Variants in RMDN2 observed in about 807,000 individuals in gnomAD.
RMDN2 encodes the protein regulator of microtubule dynamics 2, also known as regulator of microtubule dynamics protein 2.
RMDN2 carries 61 observed loss-of-function variants against 52.8 expected under a neutral mutation model. That is an observed-to-expected ratio of 1.16 (90% CI 0.94 to 1.43). RMDN2 has a LOEUF of 1.43. RMDN2 is among the 40% of genes most tolerant of loss of function. The probability of loss-of-function intolerance (pLI) is 0.00; values close to 1 mark genes in which losing one functional copy is unlikely to be tolerated. For missense variants in RMDN2, 592 were observed against 475.3 expected, an observed-to-expected ratio of 1.25 and a Z score of -2.28; for synonymous variants, 180 against 153.1, an observed-to-expected ratio of 1.18 and a Z score of -1.30.
chr2:37,980,594 A>G (rs991511566), intron 4 of RMDN2, among the ~76,000 whole-genome samples: 1 of 152,158 alleles, frequency 6.6e-6, no homozygotes, highest in Non-Finnish European at 1.5e-5. Flanking sequence ...GTGAGCCACC[A>G]GGTCCAGCCC....
At chr2:38,063,889 T>G (rs1189434980) in intron 10 of RMDN2, among the ~76,000 whole-genome samples, 1 of 152,206 alleles carries the variant, frequency 6.6e-6, no homozygotes, top group African/African-American at 2.4e-5. Context: ...TATGATAGGT[T>G]TGTAGTAGTA....
At chr2:37,920,905 T>C (rs1012448888), upstream of RMDN2, among the ~76,000 whole-genome samples, 2 of 152,242 alleles carry the variant, frequency 1.3e-5, no homozygotes, top group African/African-American at 2.4e-5. Context: ...AGAAACGTCA[T>C]TCTTTTCTTG....
intron 10 of RMDN2, among the ~76,000 whole-genome samples, chr2:38,013,012 A>G (rs1368276551): frequency 6.6e-6 from 1 of 152,246 alleles, no homozygotes; most frequent in Non-Finnish European, 1.5e-5. Context: ...TTTGGTCTCT[A>G]GAGCCCAGAT....
chr2:37,974,257 A>T (rs1473572022), intron 3 of RMDN2, 43 bp downstream of exon 3: 1 of 1,260,832 alleles, frequency 7.9e-7, no homozygotes, highest in East Asian at 2.7e-5. Context: ...TCCATTTTTT[A>T]ATTTAATCTG....
At chr2:37,922,278 G>A (rs1035654853), upstream of RMDN2, among the ~76,000 whole-genome samples, 2 of 152,102 alleles carry the variant, frequency 1.3e-5, no homozygotes, top group African/African-American at 4.8e-5. Context: ...AATTCAGCTT[G>A]TAAGTTTGAT....
At chr2:38,052,752 G>A (rs2125301510) in intron 10 of RMDN2, among the ~76,000 whole-genome samples, 1 of 151,994 alleles carries the variant, frequency 6.6e-6, no homozygotes, top group African/African-American at 2.4e-5. Flanking sequence ...TTTTTTTCTG[G>A]GGCCATTATC....
intron 10 of RMDN2, among the ~76,000 whole-genome samples, chr2:38,005,181 C>A (rs1458301328): frequency 6.6e-6 from 1 of 152,204 alleles, no homozygotes; most frequent in Non-Finnish European, 1.5e-5. Flanking sequence ...GTCTTTAAAG[C>A]AGCATGATTT....
chr2:37,969,089 T>A (rs1671461952), intron 2 of RMDN2, among the ~76,000 whole-genome samples: 1 of 152,064 alleles, frequency 6.6e-6, no homozygotes, highest in African/African-American at 2.4e-5. Context: ...TGTTCTCTTT[T>A]GTTGCCCAGT....
rs576516460 is a variant in RMDN2, at chr2:37,962,549, C to T, written c.453-11491C>T. On this transcript the variant is annotated intron_variant, in intron 2 of 10. Coordinates refer to ENST00000354545, the MANE Select transcript of RMDN2 (RefSeq NM_001170791.3). ...TGGTGGACGCCCCTCCCCCACCAAG[C>T]TCAAATGTCCCAGGTAGACTTCAGA... Among the ~76,000 whole-genome samples the T allele has an allele frequency of 7.9e-5, 12 of 152,306 alleles. No homozygotes were observed. The South Asian group carries it at 2.5e-3, about 32-fold the overall frequency.
intron 2 of RMDN2, among the ~76,000 whole-genome samples, chr2:37,944,595 C>G (rs944059513): frequency 6.6e-6 from 1 of 152,084 alleles, no homozygotes; most frequent in African/African-American, 2.4e-5. Flanking sequence ...CTGTGTTTAC[C>G]GGATTTGAGA....
intron 10 of RMDN2, among the ~76,000 whole-genome samples, chr2:38,039,798 G>GGACCCT (rs1680841250): frequency 2.0e-5 from 3 of 152,266 alleles, no homozygotes; most frequent in East Asian, 3.9e-4. Context: ...ATCTGACCCA[G>GGACCCT]GATGTCAAGA....
chr2:38,026,822 A>T (rs1195099076), intron 10 of RMDN2, among the ~76,000 whole-genome samples: 1 of 152,206 alleles, frequency 6.6e-6, no homozygotes, highest in African/African-American at 2.4e-5. Flanking sequence ...AGTATCCTAC[A>T]AATTTTAATA....
At chr2:38,031,937 CA>C in intron 10 of RMDN2, among the ~76,000 whole-genome samples, 1 of 152,228 alleles carries the variant, frequency 6.6e-6, no homozygotes, top group East Asian at 1.9e-4. Context: ...GAGAATCATA[CA>C]ACAAAGCAGA....
intron 8 of RMDN2, among the ~76,000 whole-genome samples, chr2:38,001,655 A>C (rs572441290): frequency 6.6e-6 from 1 of 152,232 alleles, no homozygotes; most frequent in African/African-American, 2.4e-5. Context: ...GTTATCCCCA[A>C]TATGGGATTC....
chr2:37,980,007 T>C (rs1488441562), intron 4 of RMDN2, among the ~76,000 whole-genome samples: 5 of 152,218 alleles, frequency 3.3e-5, no homozygotes, highest in Admixed American at 1.3e-4. Context: ...CTACACAGAA[T>C]ATTTATCTTA....
At chr2:37,926,590 T>C (rs1205631814) in intron 1 of RMDN2, among the ~76,000 whole-genome samples, 3 of 141,928 alleles carry the variant, frequency 2.1e-5, no homozygotes, top group African/African-American at 7.8e-5. Flanking sequence ...GTAAAGTTTT[T>C]AATTACTATA....
At chr2:37,941,976 G>T (rs909032592) in intron 2 of RMDN2, among the ~76,000 whole-genome samples, 1 of 152,006 alleles carries the variant, frequency 6.6e-6, no homozygotes, top group Non-Finnish European at 1.5e-5. Context: ...CAGCTAGCTC[G>T]GTATCTGCCC....
chr2:37,991,729 A>C (rs1674821246), intron 7 of RMDN2, among the ~76,000 whole-genome samples: 1 of 152,148 alleles, frequency 6.6e-6, no homozygotes, highest in East Asian at 1.9e-4. Flanking sequence ...TTTTTCATCC[A>C]GTAGTGTATA....
chr2:38,064,794 T>C (rs992249590), intron 10 of RMDN2, among the ~76,000 whole-genome samples: 32 of 151,826 alleles, frequency 2.1e-4, no homozygotes, highest in African/African-American at 7.8e-4. Context: ...AAAAAATCTA[T>C]GTAATGCATC....
Sources: gnomAD v4.1 joint callset for allele counts (sites outside exome capture counted in the v4.1 genomes callset) on GRCh38, gnomAD v4.1.1 for gene constraint, MANE v1.5 for transcripts, NCBI Gene and HGNC (gene_info 2026-07-23, HGNC 2026-07-21) for gene names.